BCKDHB: variants seen among roughly 807,000 people sequenced by gnomAD.
BCKDHB encodes branched chain keto acid dehydrogenase E1 subunit beta.
Under a neutral mutation model 48.5 loss-of-function variants are expected in BCKDHB, and 41 were observed. That is an observed-to-expected ratio of 0.85 (90% CI 0.66 to 1.10). BCKDHB has a LOEUF of 1.10. BCKDHB is among the 50% of genes least tolerant of loss of function. The pLI is 0.00. For synonymous variants in BCKDHB, 201 were observed against 174.8 expected (o/e 1.15, Z -1.18); for missense variants, 496 against 494.2 (o/e 1.00, Z -0.03).
chr6:80,123,912 A>G (rs1165134718), intron 1 of BCKDHB, among the ~76,000 whole-genome samples: 4 of 151,834 alleles, frequency 2.6e-5, no homozygotes, highest in Non-Finnish European at 5.9e-5. Flanking sequence ...CTCTGATCTT[A>G]GTTATTTCTT....
chr6:80,369,837 G>A, the BCKDHB span, among the ~76,000 whole-genome samples: 26 of 152,036 alleles, frequency 1.7e-4, no homozygotes, highest in Non-Finnish European at 3.1e-4. Context: ...CCTGCATTCT[G>A]GTGGACATTA....
At chr6:80,451,503 C>G in the BCKDHB span, among the ~76,000 whole-genome samples, 4 of 152,194 alleles carry the variant, frequency 2.6e-5, no homozygotes, top group African/African-American at 7.2e-5. Flanking sequence ...TTTGGGAGGC[C>G]TAGGCGGGTG....
chr6:80,398,713 A>C, the BCKDHB span, among the ~76,000 whole-genome samples: 3 of 151,742 alleles, frequency 2.0e-5, no homozygotes, highest in African/African-American at 7.3e-5. Context: ...AAAAATAGGG[A>C]GGGATGACTC....
the BCKDHB span, among the ~76,000 whole-genome samples, chr6:80,382,004 T>C: frequency 6.6e-6 from 1 of 152,114 alleles, no homozygotes; most frequent in Non-Finnish European, 1.5e-5. Context: ...TTCTGGTAAA[T>C]TGGAACCGAG....
At chr6:80,232,680 A>T (rs199777156) in intron 8 of BCKDHB, among the ~76,000 whole-genome samples, 3 of 147,400 alleles carry the variant, frequency 2.0e-5, no homozygotes, top group African/African-American at 7.4e-5. Context: ...ATAAATATAA[A>T]TATAAATGTA....
intron 8 of BCKDHB, among the ~76,000 whole-genome samples, chr6:80,253,460 A>G (rs922111520): frequency 5.9e-5 from 9 of 152,038 alleles, no homozygotes; most frequent in Non-Finnish European, 1.5e-5. Context: ...TTCTGGAGAG[A>G]GTTTTATTTA....
chr6:80,231,554 T>C (rs532609878), intron 8 of BCKDHB, among the ~76,000 whole-genome samples: 1 of 152,312 alleles, frequency 6.6e-6, no homozygotes, highest in East Asian at 1.9e-4. Context: ...GGGCAATGAC[T>C]GTAGGAAAAG....
At chr6:80,305,611 A>C (rs1291614117) in intron 9 of BCKDHB, among the ~76,000 whole-genome samples, 1 of 152,138 alleles carries the variant, frequency 6.6e-6, no homozygotes, top group Non-Finnish European at 1.5e-5. Context: ...GTAAGAGCCC[A>C]AAATAACCAA....
chr6:80,449,040 G>A, the BCKDHB span, among the ~76,000 whole-genome samples: 1 of 152,116 alleles, frequency 6.6e-6, no homozygotes, highest in Non-Finnish European at 1.5e-5. Flanking sequence ...GTATCAATTA[G>A]TACCTAATCC....
chr6:80,152,040 AT>A (rs1282973850), intron 3 of BCKDHB, among the ~76,000 whole-genome samples: 1 of 152,206 alleles, frequency 6.6e-6, no homozygotes, highest in Admixed American at 6.5e-5. Context: ...TTGCCCTTAA[AT>A]TGAAGCTGGT....
chr6:80,263,597 C>A (rs978429109), intron 8 of BCKDHB, among the ~76,000 whole-genome samples: 28 of 152,054 alleles, frequency 1.8e-4, no homozygotes, highest in African/African-American at 6.3e-4. Flanking sequence ...GCCAAAAATT[C>A]ATTTATTCCA....
At chr6:80,222,167 G>T (rs1158576020) in intron 8 of BCKDHB, among the ~76,000 whole-genome samples, 1 of 152,032 alleles carries the variant, frequency 6.6e-6, no homozygotes, top group African/African-American at 2.4e-5. Context: ...CCATCTTTGT[G>T]TCTGTGTGTA....
the BCKDHB span, among the ~76,000 whole-genome samples, chr6:80,394,808 A>G: frequency 6.6e-6 from 1 of 152,238 alleles, no homozygotes; most frequent in Admixed American, 6.5e-5. Context: ...CTTGTATTGT[A>G]GTTCCCATAA....
In BCKDHB at chr6:80,119,193, A is replaced by G. The variant is rs181127160; in HGVS notation, c.197-8354A>G. ...TAATCCCTGGGGTGGCTGTGGTGTGAGAATTGGTTGATCCTGGGAGGTGGA... is the reference window on the plus strand; with the variant it reads ...TAATCCCTGGGGTGGCTGTGGTGTGGGAATTGGTTGATCCTGGGAGGTGGA... On this transcript the variant is annotated intron_variant, in intron 1 of 9. Coordinates refer to ENST00000320393, the MANE Select transcript of BCKDHB (RefSeq NM_183050.4). Among the ~76,000 whole-genome samples, 86 of 152,268 alleles carry G rather than the reference A, an allele frequency of 5.6e-4. 2 individuals carry two copies. In the East Asian group the frequency reaches 0.015, roughly 27 times the overall value.
the BCKDHB span, among the ~76,000 whole-genome samples, chr6:80,411,692 A>G: frequency 6.6e-6 from 1 of 152,198 alleles, no homozygotes; most frequent in Non-Finnish European, 1.5e-5. Context: ...TCCCCCCATC[A>G]GGCTGCAGCC....
the BCKDHB span, among the ~76,000 whole-genome samples, chr6:80,401,840 CTA>C: frequency 6.1e-4 from 92 of 151,868 alleles, 1 homozygote; most frequent in Middle Eastern, 3.4e-3. Flanking sequence ...AATTGTTTTT[CTA>C]TGTCTGGCTT....
chr6:80,450,620 T>A, the BCKDHB span, among the ~76,000 whole-genome samples: 1 of 152,156 alleles, frequency 6.6e-6, no homozygotes, highest in Non-Finnish European at 1.5e-5. Flanking sequence ...TATGGCAGAT[T>A]AGCACCCAAG....
the BCKDHB span, among the ~76,000 whole-genome samples, chr6:80,387,224 G>A: frequency 6.6e-6 from 1 of 152,178 alleles, no homozygotes; most frequent in African/African-American, 2.4e-5. Context: ...TCCTGTGGTC[G>A]TTTCCCCAGT....
intron 3 of BCKDHB, among the ~76,000 whole-genome samples, chr6:80,132,839 A>T (rs1056809697): frequency 6.6e-6 from 1 of 152,208 alleles, no homozygotes; most frequent in Non-Finnish European, 1.5e-5. Context: ...GGTGAAGAGA[A>T]ATATATTAAA....
Sources: allele counts gnomAD v4.1 joint callset (sites outside exome capture counted in the v4.1 genomes callset), GRCh38; gene constraint gnomAD v4.1.1; transcripts MANE v1.5; gene names NCBI Gene and HGNC (gene_info 2026-07-23, HGNC 2026-07-21).